The following LARGE1 variants were observed in gnomAD, a reference collection of about 807,000 sequenced individuals.
The protein encoded by LARGE1 is LARGE xylosyl- and glucuronyltransferase 1.
A neutral mutation model predicts 87.6 loss-of-function variants in LARGE1; 43 were observed. That is an observed-to-expected ratio of 0.49 (90% CI 0.38 to 0.63). The LOEUF is 0.63. LARGE1 is among the 30% of genes least tolerant of loss of function. LARGE1 has a pLI of 0.00. For missense variants in LARGE1, 802 were observed against 1,000.2 expected (o/e 0.80, Z 2.67); for synonymous variants, 434 against 394.6 (o/e 1.10, Z -1.18).
At chr22:33,141,517 C>T in the LARGE1 span, among the ~76,000 whole-genome samples, 64,013 of 151,564 alleles carry the variant, frequency 0.42, 13,957 homozygotes, top group South Asian at 0.68. Context: ...CAGTTATATA[C>T]GTATAAAATA....
rs138134503 is a variant in LARGE1, at chr22:33,340,860, G to C, written c.1132-3059C>G. ...CATGGGAGCTAGGCTTCAAACACAA[G>C]CATGTCTGATTCCCAAGCCCACATT... On this transcript the variant is annotated intron_variant, in intron 9 of 14. Transcript: ENST00000397394. Among the ~76,000 whole-genome samples, 382 of 152,004 alleles carry C rather than the reference G, an allele frequency of 2.5e-3. 16 individuals carry two copies. The highest frequency in any genetic ancestry group is 8.3e-3 in the African/African-American group (341 of 41,282).
chr22:33,492,028 G>A (rs2069868565), intron 6 of LARGE1, among the ~76,000 whole-genome samples: 1 of 152,182 alleles, frequency 6.6e-6, no homozygotes, highest in Non-Finnish European at 1.5e-5. Context: ...AGTATCAGTG[G>A]CAGTGTTCTG....
intron 7 of LARGE1, among the ~76,000 whole-genome samples, chr22:33,405,128 C>T (rs2066053018): frequency 6.6e-6 from 1 of 152,196 alleles, no homozygotes; most frequent in Non-Finnish European, 1.5e-5. Context: ...GAAAGATCGT[C>T]CTGCATTCAG....
the LARGE1 span, among the ~76,000 whole-genome samples, chr22:33,075,247 A>G: frequency 1.6e-4 from 24 of 152,290 alleles, no homozygotes; most frequent in Middle Eastern, 3.4e-3. Flanking sequence ...TATGTGATAG[A>G]GTTGGAATCA....
At chr22:33,585,519 T>C (rs1185512669) in intron 5 of LARGE1, among the ~76,000 whole-genome samples, 4 of 152,086 alleles carry the variant, frequency 2.6e-5, no homozygotes, top group Non-Finnish European at 4.4e-5. Context: ...ACAGAGTGCA[T>C]ATGAGAATAA....
intron 11 of LARGE1, among the ~76,000 whole-genome samples, chr22:33,216,862 C>G (rs1925230732): frequency 6.6e-6 from 1 of 152,130 alleles, no homozygotes; most frequent in African/African-American, 2.4e-5. Context: ...CAGCATAGGG[C>G]TTGGACATGT....
chr22:33,786,619 G>A (rs143078899), intron 1 of LARGE1, among the ~76,000 whole-genome samples: 1 of 152,170 alleles, frequency 6.6e-6, no homozygotes, highest in Non-Finnish European at 1.5e-5. Flanking sequence ...CCCCTCCTGA[G>A]GGGGTCCCCT....
intron 1 of LARGE1, among the ~76,000 whole-genome samples, chr22:33,887,195 G>T (rs913082499): frequency 6.6e-6 from 1 of 152,166 alleles, no homozygotes; most frequent in African/African-American, 2.4e-5. Flanking sequence ...ATCCTAACCC[G>T]CAATGTGATG....
In LARGE1 at chr22:33,213,688, A is replaced by T. The variant is rs76439287; in HGVS notation, c.1731-46856T>A. ...GGCAATAAAAATTTAAAGTATATGT[A>T]AATTAAGGTCTATACTTTGTCTTTT... On this transcript the variant is annotated intron_variant, in intron 11 of 11. Coordinates refer to the LARGE1 transcript ENST00000608642. Among the ~76,000 whole-genome samples, 12 of 152,376 alleles carry T rather than the reference A, an allele frequency of 7.9e-5. No individual in the cohort carries two copies. The East Asian group carries it at 2.1e-3, about 27-fold the overall frequency.
At chr22:33,599,887 C>T (rs973075273) in intron 5 of LARGE1, among the ~76,000 whole-genome samples, 2 of 152,158 alleles carry the variant, frequency 1.3e-5, no homozygotes, top group African/African-American at 2.4e-5. Context: ...TCCCTAAGGT[C>T]GTCTACTGGA....
upstream of LARGE1, among the ~76,000 whole-genome samples, chr22:33,921,908 A>G (rs577517440): frequency 6.6e-6 from 1 of 151,970 alleles, no homozygotes. This position sits in a 1 kb window ranked among gnomAD's most constrained non-coding sequence, Gnocchi z 4.1. Context: ...CCTCGAGAGA[A>G]GACCCAGAGG....
intron 4 of LARGE1, among the ~76,000 whole-genome samples, chr22:33,621,740 A>AT (rs1380123277): frequency 3.9e-5 from 6 of 152,194 alleles, no homozygotes; most frequent in Admixed American, 2.0e-4. Context: ...CATCACCAGC[A>AT]TATCAATTCA....
At chr22:33,433,626 AAAAAG>A (rs1174982709) in intron 6 of LARGE1, among the ~76,000 whole-genome samples, 3 of 151,532 alleles carry the variant, frequency 2.0e-5, no homozygotes, top group African/African-American at 7.3e-5. Context: ...AAAAAAAAAA[AAAAAG>A]AAAGGGAAAT....
At chr22:33,661,411 A>C (rs922461156) in intron 2 of LARGE1, among the ~76,000 whole-genome samples, 81 of 151,942 alleles carry the variant, frequency 5.3e-4, no homozygotes, top group Non-Finnish European at 7.9e-4. Context: ...ACGGGGTTTC[A>C]CCATGTTGGC....
In LARGE1 at chr22:33,299,670, G is replaced by T. The variant is rs562372548; in HGVS notation, c.1730+4559C>A. The stretch of plus-strand genomic sequence containing the variant: ...CTGGGCACCCGCCATAGCCCCACAG[G>T]AGGCTATCATTAGCTCCTATATTAA... On this transcript the variant is annotated intron_variant, in intron 12 of 14. Coordinates refer to ENST00000397394, the MANE Select transcript of LARGE1 (RefSeq NM_133642.5). Among the ~76,000 whole-genome samples, 457 of 152,282 alleles carry T rather than the reference G, an allele frequency of 3.0e-3. 2 individuals carry two copies. The highest frequency in any genetic ancestry group is 4.1e-3 in the Non-Finnish European group (276 of 68,028).
chr22:33,893,999 C>A (rs2065070352), intron 1 of LARGE1, among the ~76,000 whole-genome samples: 1 of 152,134 alleles, frequency 6.6e-6, no homozygotes, highest in African/African-American at 2.4e-5. Context: ...GAGCAGGCCT[C>A]ACTGGGTCCC....
At chr22:33,537,261 G>A (rs1170388882) in intron 6 of LARGE1, among the ~76,000 whole-genome samples, 2 of 152,258 alleles carry the variant, frequency 1.3e-5, no homozygotes, top group African/African-American at 4.8e-5. Context: ...AAGTCAAGAT[G>A]TTGGCAGGGC....
intron 4 of LARGE1, among the ~76,000 whole-genome samples, chr22:33,615,349 A>G (rs762859): frequency 0.73 from 111,390 of 152,026 alleles, 40,926 homozygotes; most frequent in African/African-American, 0.79. Flanking sequence ...ACAGCTTGAC[A>G]TAATTACCTG....
chr22:33,234,137 G>T (rs947170207), intron 11 of LARGE1, among the ~76,000 whole-genome samples: 2 of 152,244 alleles, frequency 1.3e-5, no homozygotes, highest in African/African-American at 4.8e-5. Context: ...AGGAGTCTCT[G>T]CTCATCCATA....
Sources: allele counts gnomAD v4.1 joint callset (sites outside exome capture counted in the v4.1 genomes callset), GRCh38; gene constraint gnomAD v4.1.1; non-coding constraint Gnocchi (gnomAD v3.1); transcripts MANE v1.5; gene names NCBI Gene and HGNC (gene_info 2026-07-23, HGNC 2026-07-21).